The following IQCM variants were observed in gnomAD, a reference collection of about 807,000 sequenced individuals.
The protein encoded by IQCM is IQ domain-containing protein M.
In IQCM, 45 loss-of-function variants were observed where a neutral mutation model predicts 57.6. The observed-to-expected ratio is 0.78, with a 90% CI of 0.62 to 1.00. The LOEUF is 1.00. IQCM is among the 50% of genes least tolerant of loss of function. IQCM has a pLI of 0.00. For synonymous variants in IQCM, 148 were observed against 158.9 expected (o/e 0.93, Z 0.51); for missense variants, 468 against 511.6 (o/e 0.91, Z 0.82).
At chr4:149,605,172 AT>A (rs1754666059) in intron 8 of IQCM, among the ~76,000 whole-genome samples, 1 of 152,228 alleles carries the variant, frequency 6.6e-6, no homozygotes, top group African/African-American at 2.4e-5. Context: ...TGGGTTGAAT[AT>A]TTTGGCTTCT....
chr4:149,619,049 A>G (rs1034751966), intron 8 of IQCM, among the ~76,000 whole-genome samples: 2 of 151,246 alleles, frequency 1.3e-5, no homozygotes, highest in African/African-American at 4.9e-5. Flanking sequence ...TTACAATAAC[A>G]AAGTCAGAAT....
intron 7 of IQCM, among the ~76,000 whole-genome samples, chr4:149,667,498 T>C (rs1760841704): frequency 2.0e-5 from 3 of 151,824 alleles, no homozygotes; most frequent in African/African-American, 2.4e-5. Context: ...GTCTAAAAAT[T>C]CCAAAAACCA....
chr4:149,678,745 G>A (rs1761955679), intron 7 of IQCM, among the ~76,000 whole-genome samples: 1 of 151,164 alleles, frequency 6.6e-6, no homozygotes, highest in Admixed American at 6.6e-5. Context: ...TTAAGAGATT[G>A]ACAATGTTTC....
chr4:149,751,486 G>A (rs374007838), intron 2 of IQCM, among the ~76,000 whole-genome samples: 3 of 152,116 alleles, frequency 2.0e-5, no homozygotes, highest in East Asian at 1.9e-4. Flanking sequence ...AGATTTTCCC[G>A]GCTTTAAAAC....
intron 13 of IQCM, among the ~76,000 whole-genome samples, chr4:149,409,013 A>T (rs1385678006): frequency 1.3e-5 from 2 of 152,200 alleles, no homozygotes; most frequent in Non-Finnish European, 2.9e-5. Context: ...CAAACCAGGT[A>T]AAGTTACATA....
chr4:149,382,088 AT>A (rs1731121124), intron 13 of IQCM, among the ~76,000 whole-genome samples: 1 of 151,846 alleles, frequency 6.6e-6, no homozygotes, highest in Non-Finnish European at 1.5e-5. Context: ...CGAAGCATGC[AT>A]TTTCTTCATT....
chr4:149,605,634 G>T (rs1010298725), intron 8 of IQCM, among the ~76,000 whole-genome samples: 1 of 152,134 alleles, frequency 6.6e-6, no homozygotes, highest in Non-Finnish European at 1.5e-5. Flanking sequence ...ATACACTTTA[G>T]GCCCAGATAA....
At chr4:149,604,058 T>C (rs1228261696) in intron 8 of IQCM, among the ~76,000 whole-genome samples, 1 of 152,106 alleles carries the variant, frequency 6.6e-6, no homozygotes, top group East Asian at 1.9e-4. Flanking sequence ...AAAGTTTTCA[T>C]AATATATATA....
At chr4:149,748,815 C>T (rs928151290) in intron 2 of IQCM, 3 of 152,138 alleles carry the variant, frequency 2.0e-5, no homozygotes, top group Admixed American at 6.5e-5. Flanking sequence ...TAGAGATCAA[C>T]TACTAGAATA....
intron 13 of IQCM, among the ~76,000 whole-genome samples, chr4:149,427,697 G>A (rs1224026631): frequency 6.6e-6 from 1 of 151,808 alleles, no homozygotes; most frequent in Non-Finnish European, 1.5e-5. Context: ...AGCAAGTGTT[G>A]AAAGTTTGAA....
At chr4:149,426,624 A>T (rs556905324) in intron 13 of IQCM, among the ~76,000 whole-genome samples, 12 of 151,936 alleles carry the variant, frequency 7.9e-5, no homozygotes, top group Non-Finnish European at 1.8e-4. Context: ...CCATTTCCAC[A>T]TTGTATTACT....
chr4:149,621,415 T>C (rs1211162735), intron 7 of IQCM, among the ~76,000 whole-genome samples, 171 bp from the exon 8 acceptor site: 1 of 152,202 alleles, frequency 6.6e-6, no homozygotes, highest in Non-Finnish European at 1.5e-5. Flanking sequence ...CATGATAGGA[T>C]TGCATAGAGA....
chr4:149,623,924 A>C (rs886184871), intron 7 of IQCM, among the ~76,000 whole-genome samples: 1 of 152,198 alleles, frequency 6.6e-6, no homozygotes, highest in African/African-American at 2.4e-5. Flanking sequence ...CAGTTTAACA[A>C]GGAGTTAAAA....
chr4:149,391,540 A>C (rs1161226965), intron 13 of IQCM, among the ~76,000 whole-genome samples: 1 of 151,074 alleles, frequency 6.6e-6, no homozygotes, highest in Non-Finnish European at 1.5e-5. Flanking sequence ...TCTTGCTTTG[A>C]GTATAGTTTG....
chr4:149,566,998 A>C (rs1033427941), intron 9 of IQCM, among the ~76,000 whole-genome samples: 3 of 152,184 alleles, frequency 2.0e-5, no homozygotes, highest in Non-Finnish European at 2.9e-5. Context: ...TTTTAAAAGT[A>C]AAATTAGAAT....
chr4:149,457,561 T>G (rs1188597274), intron 12 of IQCM, among the ~76,000 whole-genome samples: 3 of 152,012 alleles, frequency 2.0e-5, no homozygotes, highest in African/African-American at 7.2e-5. Context: ...GTTTTAGGTT[T>G]TGTTTTTGTT....
intron 10 of IQCM, among the ~76,000 whole-genome samples, chr4:149,558,953 GT>G (rs1749855012): frequency 6.6e-6 from 1 of 152,186 alleles, no homozygotes; most frequent in Admixed American, 6.5e-5. Flanking sequence ...TTAAAACACA[GT>G]GTTGAAAATT....
intron 9 of IQCM, among the ~76,000 whole-genome samples, chr4:149,568,908 C>A (rs1483489958): frequency 6.6e-6 from 1 of 152,196 alleles, no homozygotes; most frequent in African/African-American, 2.4e-5. Flanking sequence ...CCCTACTCAT[C>A]AAGAGGTGGA....
At chr4:149,767,136 T>A (rs543042706) in intron 2 of IQCM, among the ~76,000 whole-genome samples, 1 of 152,092 alleles carries the variant, frequency 6.6e-6, no homozygotes, top group Non-Finnish European at 1.5e-5. Context: ...GCATTACTCA[T>A]ATAATTTTTA....
Sources: gnomAD v4.1 joint callset for allele counts (sites outside exome capture counted in the v4.1 genomes callset) on GRCh38, gnomAD v4.1.1 for gene constraint, MANE v1.5 for transcripts, NCBI Gene and HGNC (gene_info 2026-07-23, HGNC 2026-07-21) for gene names.